Variants in CASTOR2 observed in about 807,000 individuals in gnomAD.
CASTOR2 encodes the protein cytosolic arginine sensor for mTORC1 subunit 2.
CASTOR2 carries 8 observed loss-of-function variants against 31.2 expected under a neutral mutation model. The observed-to-expected ratio is 0.26, with a 90% CI of 0.15 to 0.46. CASTOR2 has a LOEUF of 0.46. Among genes scored for constraint, CASTOR2 ranks in the 20% least tolerant of loss-of-function variants. The pLI is 0.99. For missense variants in CASTOR2, 216 were observed against 382.1 expected, an observed-to-expected ratio of 0.57 and a Z score of 3.62; for synonymous variants, 162 against 158.7, an observed-to-expected ratio of 1.02 and a Z score of -0.16.
intron 1 of CASTOR2, among the ~76,000 whole-genome samples, chr7:75,003,947 C>T (rs1804553669): frequency 4.6e-5 from 7 of 152,162 alleles, no homozygotes; most frequent in African/African-American, 1.7e-4. Flanking sequence ...ACTTCAACAA[C>T]ATATTTATAC....
chr7:75,000,261 G>A (rs1422504762), intron 1 of CASTOR2, among the ~76,000 whole-genome samples: 2 of 152,108 alleles, frequency 1.3e-5, no homozygotes, highest in Admixed American at 1.3e-4. Flanking sequence ...GCTACTATTA[G>A]CCACATCAGT....
chr7:74,992,917 A>T (rs1452332948), intron 1 of CASTOR2, among the ~76,000 whole-genome samples: 1 of 151,208 alleles, frequency 6.6e-6, no homozygotes, highest in Non-Finnish European at 1.5e-5. Context: ...AAAACAGAAA[A>T]GGGCCAGGTG....
chr7:75,010,195 G>A (rs1440349830), intron 2 of CASTOR2, among the ~76,000 whole-genome samples: 2 of 152,138 alleles, frequency 1.3e-5, no homozygotes, highest in Non-Finnish European at 2.9e-5. Flanking sequence ...TGTGGTCATG[G>A]AGGACTTCCT....
chr7:75,023,141 T>G (rs1290730083), intron 7 of CASTOR2, among the ~76,000 whole-genome samples: 1 of 151,978 alleles, frequency 6.6e-6, no homozygotes, highest in Non-Finnish European at 1.5e-5. Flanking sequence ...ACCCTGTCTC[T>G]ACTAAAAATA....
At chr7:75,007,880 C>T in intron 1 of CASTOR2, 114 bp from the exon 2 acceptor site, 1 of 1,507,034 alleles carries the variant, frequency 6.6e-7, no homozygotes, top group Admixed American at 1.8e-5. Context: ...CCCCAGCAGC[C>T]TGGGGCCGGA....
chr7:74,986,444 C>T (rs1389952484), intron 1 of CASTOR2, among the ~76,000 whole-genome samples: 27 of 149,278 alleles, frequency 1.8e-4, no homozygotes, highest in African/African-American at 5.9e-4. Flanking sequence ...GAGCCAAGAT[C>T]GTGCCACTGC....
At chr7:74,992,428 C>T (rs1804233911) in intron 1 of CASTOR2, among the ~76,000 whole-genome samples, 2 of 152,160 alleles carry the variant, frequency 1.3e-5, no homozygotes, top group East Asian at 1.9e-4. Flanking sequence ...ATCGTGAGAC[C>T]CTGTCTCTAC....
chr7:75,003,798 A>G (rs1455258741), intron 1 of CASTOR2, among the ~76,000 whole-genome samples: 14 of 151,524 alleles, frequency 9.2e-5, no homozygotes, highest in Non-Finnish European at 4.4e-5. Context: ...GAGAGGGAGG[A>G]GTCTGGGGGC....
chr7:75,003,088 C>T (rs1804532561), intron 1 of CASTOR2, among the ~76,000 whole-genome samples: 1 of 152,058 alleles, frequency 6.6e-6, no homozygotes, highest in African/African-American at 2.4e-5. Context: ...GAGGGTTAAG[C>T]TTGATAAGAC....
At position 75,028,231 on chromosome 7, in the gene CASTOR2, C is replaced by T. The variant is rs1289801670; in HGVS notation, c.*3532C>T. On this transcript the variant is annotated 3_prime_UTR_variant, in exon 9 of 9. Transcript: ENST00000616305. ...CACTTCCTGGGTTCAAGCGAGTCTC[C>T]TACATTGGCCTCCCAAGTAGGTGAG... Among the ~76,000 whole-genome samples, 1 of 151,906 alleles carries T rather than the reference C, an allele frequency of 6.6e-6. No homozygotes were observed. Among genetic ancestry groups the T allele is most frequent in the Admixed American group, 6.6e-5 (1 of 15,236 alleles).
At chr7:75,017,083 T>C (rs1804879996) in intron 2 of CASTOR2, among the ~76,000 whole-genome samples, 1 of 151,866 alleles carries the variant, frequency 6.6e-6, no homozygotes, top group East Asian at 1.9e-4. Context: ...ACCCAGGAGG[T>C]GGAGGTTGCA....
chr7:74,973,115 G>A lies in CASTOR2; in HGVS notation c.113+8017G>A, dbSNP rs1803717118. 2.7e-5 allele frequency among the ~76,000 whole-genome samples: 4 copies of A among 150,572 alleles called. No homozygotes were observed. In the South Asian group the frequency reaches 6.3e-4, roughly 24 times the overall value. ...TTTAGGGAAAGACAGGCTAGCCCAAGGGAGTTAGAGCCCTGGGACACCTGG... is the reference window on the plus strand; with the variant it reads ...TTTAGGGAAAGACAGGCTAGCCCAAAGGAGTTAGAGCCCTGGGACACCTGG... On this transcript the variant is annotated intron_variant, in intron 1 of 8. Transcript: ENST00000616305.
chr7:75,000,316 G>C (rs1198144838), intron 1 of CASTOR2, among the ~76,000 whole-genome samples: 1 of 152,162 alleles, frequency 6.6e-6, no homozygotes, highest in African/African-American at 2.4e-5. Context: ...GGCAGGGGCA[G>C]GGGTGGGCGG....
chr7:74,987,778 G>A (rs1279742182), intron 1 of CASTOR2, among the ~76,000 whole-genome samples: 3 of 151,696 alleles, frequency 2.0e-5, no homozygotes, highest in Non-Finnish European at 2.9e-5. Flanking sequence ...GCGTGATATC[G>A]GCTCACTGCA....
At chr7:74,992,871 C>G (rs1404357327) in intron 1 of CASTOR2, among the ~76,000 whole-genome samples, 2 of 151,570 alleles carry the variant, frequency 1.3e-5, no homozygotes. Context: ...CCACTGCACT[C>G]CAGCCTGGGG....
intron 1 of CASTOR2, among the ~76,000 whole-genome samples, chr7:74,986,255 T>TGGG (rs797026148): frequency 8.7e-5 from 13 of 149,284 alleles, no homozygotes; most frequent in Middle Eastern, 3.4e-3. Context: ...AACATGCCTG[T>TGGG]GGGGGGTGGA....
At chr7:74,994,586 T>A (rs1804294288) in intron 1 of CASTOR2, among the ~76,000 whole-genome samples, 2 of 151,836 alleles carry the variant, frequency 1.3e-5, no homozygotes, top group Non-Finnish European at 2.9e-5. Context: ...CCATCTCTAC[T>A]AAAAAATACG....
chr7:75,027,948 G>A lies in CASTOR2; in HGVS notation c.*3249G>A. On this transcript the variant is annotated 3_prime_UTR_variant, in exon 9 of 9. Transcript: ENST00000616305. ...TCTCTCCAGGCCCCAGACCCCACTT[G>A]GAGGGGCATGTGTTTCTCAGAGGGG... is the stretch of plus-strand genomic sequence containing the variant. 7.1e-7 allele frequency: 1 copy of A among 1,409,394 alleles called. No homozygotes were observed. The highest frequency in any genetic ancestry group is 1.2e-5 in the South Asian group (1 of 81,442). The allele number at this position is 1,409,394 out of a possible 1,614,324, so 87.3% of individuals were successfully genotyped here. A position where few individuals can be genotyped will look rare whatever the true frequency, so the allele number is the denominator to read the frequency against.
rs879121750 is a variant in CASTOR2, at chr7:75,026,189, G to GTTTTTT, written c.*1502_*1507dup. ...CCCTGTGGTTTTGGCTCTGGCGGGG[G>GTTTTTT]TTTTTTTTTTTTTTTTTGAGATGGG... is the stretch of plus-strand genomic sequence containing the variant. On this transcript the variant is annotated 3_prime_UTR_variant, in exon 9 of 9. Coordinates refer to ENST00000616305, the MANE Select transcript of CASTOR2 (RefSeq NM_001145064.3). 5.1e-5 allele frequency among the ~76,000 whole-genome samples: 6 copies of GTTTTTT among 117,742 alleles called. No individual in the cohort carries two copies. Among genetic ancestry groups the GTTTTTT allele is most frequent in the Non-Finnish European group, 7.1e-5 (4 of 56,722 alleles). 77.2% of individuals were successfully genotyped at this position (117,742 alleles called of 152,430 possible).
Sources: allele counts gnomAD v4.1 joint callset (sites outside exome capture counted in the v4.1 genomes callset), GRCh38; gene constraint gnomAD v4.1.1; transcripts MANE v1.5; gene names NCBI Gene and HGNC (gene_info 2026-07-23, HGNC 2026-07-21).